The following PDE10A variants were observed in gnomAD, a reference collection of about 807,000 sequenced individuals.
PDE10A encodes the protein phosphodiesterase 10A, also known as cAMP and cAMP-inhibited cGMP 3',5'-cyclic phosphodiesterase 10A.
In PDE10A, 39 loss-of-function variants were observed where a neutral mutation model predicts 97.7. That is an observed-to-expected ratio of 0.40 (90% CI 0.31 to 0.52). The LOEUF is 0.52. Ranked by LOEUF, PDE10A falls within the 20% of genes least tolerant of loss-of-function variation. The pLI is 0.56. For synonymous variants in PDE10A, 371 were observed against 376.8 expected, an observed-to-expected ratio of 0.98 and a Z score of 0.18; for missense variants, 731 against 1,047.8, an observed-to-expected ratio of 0.70 and a Z score of 4.17.
chr6:165,409,010 A>G (rs1392803574), intron 13 of PDE10A, among the ~76,000 whole-genome samples: 1 of 151,206 alleles, frequency 6.6e-6, no homozygotes, highest in Admixed American at 6.6e-5. Context: ...CTAAAAATAC[A>G]AAAAATTAGC....
intron 17 of PDE10A, among the ~76,000 whole-genome samples, chr6:165,384,548 A>G (rs1785130054): frequency 6.6e-6 from 1 of 151,840 alleles, no homozygotes; most frequent in African/African-American, 2.4e-5. Flanking sequence ...TATCACTGTG[A>G]CCAAGGTCAA....
chr6:165,661,726 G>A lies in PDE10A; in HGVS notation c.865+221C>T. The A allele has an allele frequency of 2.3e-6, 1 of 440,986 alleles. No homozygotes were observed. Among genetic ancestry groups the A allele is most frequent in the South Asian group, 4.6e-5 (1 of 21,880 alleles). The allele number at this position is 440,986 out of a possible 1,614,324, so 27.3% of individuals were successfully genotyped here. ...AGCCGCCCTTCCCCCGAGCGCTCGC[G>A]GAGCCTGGGAAACCCCGGCGTCCCT... On this transcript the variant is annotated intron_variant, in intron 1 of 21. Transcript: ENST00000539869. This position sits in a 1 kb window ranked among gnomAD's most constrained non-coding sequence, Gnocchi z 4.8.
chr6:165,675,872 A>G (rs1000170716), intron 1 of PDE10A, among the ~76,000 whole-genome samples: 1 of 152,234 alleles, frequency 6.6e-6, no homozygotes, highest in African/African-American at 2.4e-5. Context: ...TATAACTAAT[A>G]TTTGATCTAG....
At chr6:165,556,652 T>C (rs976117490) in intron 1 of PDE10A, among the ~76,000 whole-genome samples, 5 of 152,174 alleles carry the variant, frequency 3.3e-5, no homozygotes, top group African/African-American at 1.2e-4. Context: ...GTAAGCCTAA[T>C]GCTAAGTAAA....
At chr6:165,973,033 ATAGT>A (rs1355750880) in intron 1 of PDE10A, among the ~76,000 whole-genome samples, 3 of 151,882 alleles carry the variant, frequency 2.0e-5, no homozygotes, top group Admixed American at 1.3e-4. Flanking sequence ...GCTTAAAAAC[ATAGT>A]TAGGACTCAG....
In PDE10A at chr6:165,503,233, G is replaced by A. The variant is rs148415425; in HGVS notation, c.995-20890C>T. On this transcript the variant is annotated intron_variant, in intron 2 of 21. Coordinates refer to ENST00000539869, the MANE Select transcript of PDE10A (RefSeq NM_001385079.1). Reference sequence around the variant, plus strand: ...CCTCATCCCCTCCATTCTTTTCACAGCCACAAACAACTTCAAGGTTATTCC... The same window carrying A: ...CCTCATCCCCTCCATTCTTTTCACAACCACAAACAACTTCAAGGTTATTCC... Among the ~76,000 whole-genome samples, 29 of 152,220 alleles carry A rather than the reference G, an allele frequency of 1.9e-4. No homozygotes were observed. In the East Asian group the frequency reaches 5.6e-3, roughly 29 times the overall value.
At chr6:165,965,635 C>T (rs1473951012) in intron 1 of PDE10A, among the ~76,000 whole-genome samples, 5 of 152,102 alleles carry the variant, frequency 3.3e-5, no homozygotes, top group South Asian at 2.1e-4. Flanking sequence ...TTATGCTGCT[C>T]GGGAAATATA....
intron 2 of PDE10A, among the ~76,000 whole-genome samples, chr6:165,520,260 C>T (rs1782053545): frequency 6.6e-6 from 1 of 152,144 alleles, no homozygotes; most frequent in African/African-American, 2.4e-5. Flanking sequence ...TCCTAATAAA[C>T]AGCCCAAATG....
At chr6:165,445,546 C>G (rs1790789188) in intron 5 of PDE10A, among the ~76,000 whole-genome samples, 1 of 152,164 alleles carries the variant, frequency 6.6e-6, no homozygotes, top group South Asian at 2.1e-4. Context: ...AGGCAACAGG[C>G]CAAACATTCA....
chr6:165,919,775 C>T (rs1583284597), intron 1 of PDE10A, among the ~76,000 whole-genome samples: 1 of 152,190 alleles, frequency 6.6e-6, no homozygotes, highest in Non-Finnish European at 1.5e-5. Flanking sequence ...TATTTATTTG[C>T]TCTTTATTCT....
At chr6:165,715,297 T>G (rs1644213816) in intron 1 of PDE10A, among the ~76,000 whole-genome samples, 2 of 152,242 alleles carry the variant, frequency 1.3e-5, no homozygotes, top group African/African-American at 4.8e-5. Context: ...AATCAGGATT[T>G]AAAAATGTTT....
chr6:165,468,963 T>C (rs1355284102), intron 3 of PDE10A, among the ~76,000 whole-genome samples: 3 of 152,242 alleles, frequency 2.0e-5, no homozygotes, highest in African/African-American at 4.8e-5. Context: ...CAGTCTAGCA[T>C]AGACTTGTGG....
At chr6:165,983,519 C>T (rs996807451) in intron 1 of PDE10A, among the ~76,000 whole-genome samples, 1 of 152,216 alleles carries the variant, frequency 6.6e-6, no homozygotes, top group Non-Finnish European at 1.5e-5. Context: ...CTATTTAAAA[C>T]TTCAAGTCAA....
chr6:165,824,496 T>G (rs1779668051), intron 1 of PDE10A, among the ~76,000 whole-genome samples: 1 of 152,228 alleles, frequency 6.6e-6, no homozygotes, highest in African/African-American at 2.4e-5. Flanking sequence ...CACCATGGTC[T>G]TCTTTGTCCT....
At chr6:165,503,991 CTTT>C (rs34219784) in intron 2 of PDE10A, among the ~76,000 whole-genome samples, 1 of 152,044 alleles carries the variant, frequency 6.6e-6, no homozygotes, top group Non-Finnish European at 1.5e-5. Context: ...TCATAAAATT[CTTT>C]TTTTAGCACC....
At chr6:165,435,937 T>C (rs1292263400) in intron 5 of PDE10A, among the ~76,000 whole-genome samples, 1 of 152,190 alleles carries the variant, frequency 6.6e-6, no homozygotes, top group Non-Finnish European at 1.5e-5. Context: ...TGAGCAAAAA[T>C]CTTGAAAAAT....
intron 5 of PDE10A, among the ~76,000 whole-genome samples, chr6:165,437,059 A>T (rs1187728901): frequency 6.6e-6 from 1 of 152,196 alleles, no homozygotes; most frequent in African/African-American, 2.4e-5. Context: ...GCAGGAAGTG[A>T]ACATAAATTG....
At chr6:165,969,803 T>C (rs943286990) in intron 1 of PDE10A, among the ~76,000 whole-genome samples, 4 of 152,198 alleles carry the variant, frequency 2.6e-5, no homozygotes, top group African/African-American at 9.7e-5. Flanking sequence ...AATTAAATAA[T>C]GTGTTATAAA....
chr6:165,398,372 T>C (rs897137998), intron 13 of PDE10A, among the ~76,000 whole-genome samples: 2 of 151,802 alleles, frequency 1.3e-5, no homozygotes, highest in Non-Finnish European at 2.9e-5. Flanking sequence ...TCCTAGCTAC[T>C]GGGGAGGCTG....
Sources: gnomAD v4.1 joint callset for allele counts (sites outside exome capture counted in the v4.1 genomes callset) on GRCh38, gnomAD v4.1.1 for gene constraint, Gnocchi (gnomAD v3.1) non-coding constraint, MANE v1.5 for transcripts, NCBI Gene and HGNC (gene_info 2026-07-23, HGNC 2026-07-21) for gene names.